The following PGAP2 variants were observed in gnomAD, a reference collection of about 807,000 sequenced individuals.
PGAP2 encodes the protein post-GPI attachment to proteins 2.
Under a neutral mutation model 33.2 loss-of-function variants are expected in PGAP2, and 21 were observed. The ratio of observed to expected loss-of-function variants is 0.63; its 90% CI spans 0.45 to 0.91. PGAP2 has a LOEUF of 0.91. PGAP2 is among the 40% of genes least tolerant of loss of function. The pLI, the probability that PGAP2 is intolerant of heterozygous loss-of-function variation, is 0.00. For missense variants in PGAP2, 345 were observed against 424.0 expected, an observed-to-expected ratio of 0.81 and a Z score of 1.64; for synonymous variants, 161 against 172.9, an observed-to-expected ratio of 0.93 and a Z score of 0.54.
upstream of PGAP2, chr11:3,808,469 G>T: frequency 4.8e-6 from 7 of 1,471,154 alleles, no homozygotes; most frequent in South Asian, 9.2e-5. Flanking sequence ...CCAGGGGTCG[G>T]GGTCTCCAGA....
intron 2 of PGAP2, among the ~76,000 whole-genome samples, chr11:3,814,028 AC>A (rs2134461554): frequency 1.3e-5 from 2 of 152,274 alleles, no homozygotes; most frequent in African/African-American, 4.8e-5. Context: ...GCCTGAGCCT[AC>A]GGTGTTGGTT....
At chr11:3,808,000 A>G, upstream of PGAP2, 1 of 1,316,362 alleles carries the variant, frequency 7.6e-7, no homozygotes, top group Non-Finnish European at 9.7e-7. Flanking sequence ...GCTACGTAGG[A>G]CAGGGCGCCC....
chr11:3,798,342 T>C (rs1286136402), intron 1 of PGAP2, among the ~76,000 whole-genome samples: 3 of 152,192 alleles, frequency 2.0e-5, no homozygotes, highest in Non-Finnish European at 1.5e-5. Flanking sequence ...TTTTTCTTTT[T>C]CTTTTGAGAT....
At chr11:3,807,039 G>C (rs1387347386), upstream of PGAP2, among the ~76,000 whole-genome samples, 1 of 141,924 alleles carries the variant, frequency 7.0e-6, no homozygotes, top group Non-Finnish European at 1.5e-5. Flanking sequence ...AAGAGAGAAA[G>C]AAAGAAAAAA....
At chr11:3,820,747 T>G (rs143041192) in intron 3 of PGAP2, among the ~76,000 whole-genome samples, 1,694 of 152,174 alleles carry the variant, frequency 0.011, 31 homozygotes, top group African/African-American at 0.037. Flanking sequence ...CACTTGAACC[T>G]GGGAGGCGGA....
chr11:3,814,242 C>G (rs575718175), intron 2 of PGAP2, among the ~76,000 whole-genome samples: 1 of 152,198 alleles, frequency 6.6e-6, no homozygotes, highest in East Asian at 1.9e-4. Flanking sequence ...AATAATTAGC[C>G]TTTTTCTTTT....
upstream of PGAP2, among the ~76,000 whole-genome samples, chr11:3,806,649 G>C (rs1440839610): frequency 6.6e-6 from 1 of 152,206 alleles, no homozygotes; most frequent in Non-Finnish European, 1.5e-5. Context: ...TCAGGTACCA[G>C]ACTTGAGTCC....
intron 3 of PGAP2, chr11:3,822,932 C>T: frequency 2.6e-6 from 4 of 1,541,068 alleles, no homozygotes; most frequent in Non-Finnish European, 3.5e-6. Context: ...ATAGGAGTTC[C>T]AGGCATTAAG....
At chr11:3,813,306 C>A (rs1332433732) in intron 2 of PGAP2, among the ~76,000 whole-genome samples, 1 of 152,102 alleles carries the variant, frequency 6.6e-6, no homozygotes, top group African/African-American at 2.4e-5. Flanking sequence ...GCCTCAAACT[C>A]CTGGGATCAA....
chr11:3,819,676 G>T (rs368728922), intron 3 of PGAP2, among the ~76,000 whole-genome samples: 1 of 152,094 alleles, frequency 6.6e-6, no homozygotes, highest in Non-Finnish European at 1.5e-5. Context: ...CCGTCTCTCA[G>T]TACTCTTAGC....
intron 2 of PGAP2, among the ~76,000 whole-genome samples, chr11:3,813,213 G>A (rs1004839710): frequency 2.6e-5 from 4 of 152,130 alleles, no homozygotes; most frequent in Non-Finnish European, 4.4e-5. Context: ...GAAAGTATTT[G>A]GGTTTTTTTA....
At chr11:3,798,313 G>A (rs1296296342) in intron 1 of PGAP2, among the ~76,000 whole-genome samples, 2 of 152,158 alleles carry the variant, frequency 1.3e-5, no homozygotes, top group Non-Finnish European at 2.9e-5. Context: ...GCTGCACGTG[G>A]AGAACCCCTA....
chr11:3,822,845 A>G, intron 3 of PGAP2: 1 of 881,348 alleles, frequency 1.1e-6, no homozygotes, highest in Non-Finnish European at 1.8e-6. Context: ...CCATCCTTTC[A>G]CCTCTCAAAC....
In PGAP2 at chr11:3,802,826, CTTTTT is replaced by C. The variant is rs142858427; in HGVS notation, c.139+4858_139+4862del. On this transcript the variant is annotated intron_variant, in intron 1 of 6. Transcript: ENST00000300730. The stretch of plus-strand genomic sequence containing the variant: ...GAATACTTTGTATTTTGTTTTGTTT[CTTTTT>C]TTTTTTTTTTTTTGAGATGGAGACT... Among the ~76,000 whole-genome samples the C allele has an allele frequency of 3.1e-3, 429 of 139,228 alleles. 22 individuals carry two copies. The highest frequency in any genetic ancestry group is 6.8e-3 in the African/African-American group (255 of 37,346). The allele number at this position is 139,228 out of a possible 152,430, so 91.3% of individuals were successfully genotyped here.
At position 3,817,423 on chromosome 11, in the gene PGAP2, G is replaced by A. The variant is rs764617242; in HGVS notation, c.236G>A (p.Arg79His). The A allele has an allele frequency of 1.4e-5, 23 of 1,613,952 alleles. No homozygotes were observed. Among genetic ancestry groups the A allele is most frequent in the East Asian group, 4.5e-5 (2 of 44,878 alleles). The change falls in exon 3 of 7, where the codon CGC becomes CAC. Residue 79 changes from arginine (R) to histidine (H), a missense_variant. Around this residue, in one of 2 missense-constraint regions of PGAP2, gnomAD observed 311 missense variants for 353.6 expected, o/e 0.88. Coordinates refer to ENST00000278243, the MANE Select transcript of PGAP2 (RefSeq NM_014489.4). ...CCCGATGGGACCTTGTTCCGGCTTC[G>A]CTTCACAGCCATGGTCTGGTGGGCC... ...LDPDGTLFRL[R>H]FTAMVWWAIT... is the part of the protein sequence containing the mutation.
At chr11:3,824,909 T>C in intron 5 of PGAP2, 111 bp from the exon 6 acceptor site, 2 of 1,530,982 alleles carry the variant, frequency 1.3e-6, no homozygotes, top group Non-Finnish European at 8.7e-7. Context: ...CCATGACCGC[T>C]AGTGGGAGCC....
rs2090006384 is a variant in PGAP2 at position 3,826,307 on chromosome 11, T to C, written c.*849T>C. On this transcript the variant is annotated 3_prime_UTR_variant, in exon 7 of 7. Transcript: ENST00000278243. ...TACTGCTCCAAACCCTAAATTTTGGTTGTACATTTTATTTGAAAGGAAAAT... is the reference window on the plus strand; with the variant it reads ...TACTGCTCCAAACCCTAAATTTTGGCTGTACATTTTATTTGAAAGGAAAAT... 6.6e-6 allele frequency: 1 copy of C among 152,156 alleles called. No homozygotes were observed. 9.4% of individuals were successfully genotyped at this position (152,156 alleles called of 1,614,324 possible).
chr11:3,815,626 C>T (rs1161721068), intron 2 of PGAP2, among the ~76,000 whole-genome samples: 1 of 152,160 alleles, frequency 6.6e-6, no homozygotes, highest in Non-Finnish European at 1.5e-5. Context: ...TTGAACTTGG[C>T]CCAGTTTGTC....
In PGAP2 at chr11:3,817,753, A is replaced by ATG; in HGVS notation, c.348+219_348+220dup. Reference sequence around the variant, plus strand: ...CCTGAGTTGGAAGATGATGATAGAAATGCAAGGGAGATGACGGGCGCAGTG... The same window carrying ATG: ...CCTGAGTTGGAAGATGATGATAGAAATGTGCAAGGGAGATGACGGGCGCAGTG... On this transcript the variant is annotated intron_variant, in intron 3 of 6. Coordinates refer to ENST00000278243, the MANE Select transcript of PGAP2 (RefSeq NM_014489.4). 5.8e-6 allele frequency: 4 copies of ATG among 684,868 alleles called. No homozygotes were observed. The Middle Eastern group carries it at 7.3e-4, about 125-fold the overall frequency. 42.4% of individuals were successfully genotyped at this position (684,868 alleles called of 1,614,324 possible).
Sources: gnomAD v4.1 joint callset for allele counts (sites outside exome capture counted in the v4.1 genomes callset) on GRCh38, gnomAD v4.1.1 for gene constraint, gnomAD v4.1.1 regional missense constraint, MANE v1.5 for transcripts, NCBI Gene and HGNC (gene_info 2026-07-23, HGNC 2026-07-21) for gene names.